DLC1: variants seen among roughly 807,000 people sequenced by gnomAD.
The protein encoded by DLC1 is DLC1 Rho GTPase activating protein.
In DLC1, 54 loss-of-function variants were observed where a neutral mutation model predicts 140.3. The ratio of observed to expected loss-of-function variants is 0.38; its 90% CI spans 0.31 to 0.48. The LOEUF (loss-of-function observed/expected upper bound fraction) is 0.48. Ranked by LOEUF, DLC1 falls within the 20% of genes least tolerant of loss-of-function variation. The pLI is 0.96. For synonymous variants in DLC1, 986 were observed against 728.1 expected, an observed-to-expected ratio of 1.35 and a Z score of -5.70; for missense variants, 2,536 against 1,907.0, an observed-to-expected ratio of 1.33 and a Z score of -6.14.
chr8:13,499,178 A>G lies in DLC1; in HGVS notation c.894T>C (p.Gly298=). The change falls in exon 2 of 18, where the codon GGT becomes GGC. Residue 298 remains glycine (G), a synonymous_variant. Transcript: ENST00000276297. The part of the protein sequence containing the change: ...MSAENGLEKS[G]FSQHQNKSPP... ...GACTTTTGTTTTGATGTTGTGAAAA[A>G]CCACTCTTCTCCAGGCCATTTTCAG... 1 of 1,614,000 alleles carries G rather than the reference A, an allele frequency of 6.2e-7. No homozygotes were observed. Among genetic ancestry groups the G allele is most frequent in the Non-Finnish European group, 8.5e-7 (1 of 1,179,984 alleles).
chr8:13,085,573 T>A lies in DLC1; in HGVS notation c.*238A>T, dbSNP rs1182743019. The stretch of plus-strand genomic sequence containing the variant: ...GAAGCAATTTGAATAAGAATACACA[T>A]AAATTTTTTTTTTTTTTTTGCACAG... On this transcript the variant is annotated 3_prime_UTR_variant, in exon 18 of 18. Transcript: ENST00000276297. 1 of 392,228 alleles carries A rather than the reference T, an allele frequency of 2.5e-6. No homozygotes were observed. The highest frequency in any genetic ancestry group is 4.3e-6 in the Non-Finnish European group (1 of 230,812). The allele number at this position is 392,228 out of a possible 1,614,324, so 24.3% of individuals were successfully genotyped here. A position where few individuals can be genotyped will look rare whatever the true frequency, so the allele number is the denominator to read the frequency against.
chr8:13,476,400 C>A (rs1019160040), intron 2 of DLC1, among the ~76,000 whole-genome samples: 3 of 151,326 alleles, frequency 2.0e-5, no homozygotes, highest in Non-Finnish European at 2.9e-5. Flanking sequence ...TTTCTTATGC[C>A]CTTAAGAAGT....
intron 5 of DLC1, among the ~76,000 whole-genome samples, chr8:13,150,263 T>C (rs1251776347): frequency 6.6e-6 from 1 of 152,132 alleles, no homozygotes; most frequent in Non-Finnish European, 1.5e-5. Context: ...GTTTAATGAG[T>C]GTTTTCTTTT....
At chr8:13,485,346 T>C (rs1340882311) in intron 2 of DLC1, among the ~76,000 whole-genome samples, 1 of 152,218 alleles carries the variant, frequency 6.6e-6, no homozygotes. Flanking sequence ...CAATATAGCT[T>C]GAAAAGAGAC....
intron 4 of DLC1, among the ~76,000 whole-genome samples, chr8:13,372,137 CA>C (rs927664909): frequency 2.0e-4 from 30 of 147,122 alleles, no homozygotes; most frequent in African/African-American, 7.5e-4. Flanking sequence ...GTTATTTCTT[CA>C]AAAAAAAGTG....
intron 5 of DLC1, among the ~76,000 whole-genome samples, chr8:13,279,710 C>T (rs570782578): frequency 6.6e-6 from 1 of 152,216 alleles, no homozygotes; most frequent in East Asian, 1.9e-4. Context: ...GTGTAAAGAC[C>T]ATTCTAATAC....
In DLC1 at chr8:13,091,409, A is replaced by C. The variant is rs1818063343; in HGVS notation, c.3764T>G (p.Leu1255Trp). Residue 1255 changes from leucine (L) to tryptophan (W), a missense_variant, in exon 14 of 18, where the codon TTG becomes TGG. Coordinates refer to ENST00000276297, the MANE Select transcript of DLC1 (RefSeq NM_182643.3). ...CAAATCTTTCTGATCTGGTTTGCCCAAACTTTGTTTTCTTTGCATTACCCT... is the reference window on the plus strand; with the variant it reads ...CAAATCTTTCTGATCTGGTTTGCCCCAACTTTGTTTTCTTTGCATTACCCT... Reference protein sequence around the residue: ...SPRVMQRKQSLGKPDQKDLNE... With the variant: ...SPRVMQRKQSWGKPDQKDLNE... 1 of 1,614,144 alleles carries C rather than the reference A, an allele frequency of 6.2e-7. No homozygotes were observed. Among genetic ancestry groups the C allele is most frequent in the East Asian group, 2.2e-5 (1 of 44,880 alleles).
intron 4 of DLC1, among the ~76,000 whole-genome samples, chr8:13,362,719 T>A (rs544049893): frequency 1.5e-4 from 23 of 152,290 alleles, no homozygotes; most frequent in African/African-American, 5.5e-4. Flanking sequence ...TTTACCATAA[T>A]CTCTGTCTCT....
At chr8:13,476,107 T>A (rs1800422910) in intron 2 of DLC1, among the ~76,000 whole-genome samples, 3 of 152,190 alleles carry the variant, frequency 2.0e-5, no homozygotes. Flanking sequence ...TACATCCGGT[T>A]GAAAGCAAAA....
At chr8:13,399,901 A>T (rs183172146) in intron 3 of DLC1, among the ~76,000 whole-genome samples, 1 of 152,006 alleles carries the variant, frequency 6.6e-6, no homozygotes, top group Non-Finnish European at 1.5e-5. Flanking sequence ...CTTCCTGCTG[A>T]TCTATAAATT....
intron 1 of DLC1, among the ~76,000 whole-genome samples, chr8:13,541,785 G>A (rs1803493438): frequency 6.6e-6 from 1 of 152,162 alleles, no homozygotes; most frequent in South Asian, 2.1e-4. Context: ...TCCTGACCAC[G>A]TGATCCGCCT....
chr8:13,496,610 A>G (rs1158026), intron 2 of DLC1, among the ~76,000 whole-genome samples: 135,041 of 151,508 alleles, frequency 0.89, 60,646 homozygotes, highest in Non-Finnish European at 0.94. Flanking sequence ...CTACACACAC[A>G]CATTTTGACA....
chr8:13,436,390 A>G (rs1460809778), intron 2 of DLC1, among the ~76,000 whole-genome samples: 2 of 152,234 alleles, frequency 1.3e-5, no homozygotes, highest in Admixed American at 6.5e-5. Flanking sequence ...ACTGTCCAGT[A>G]TTCAATTACC....
intron 12 of DLC1, among the ~76,000 whole-genome samples, chr8:13,093,575 A>T (rs1242224173): frequency 6.6e-6 from 1 of 152,196 alleles, no homozygotes; most frequent in East Asian, 1.9e-4. Flanking sequence ...TGAATACATA[A>T]CTCTTTAAAA....
intron 5 of DLC1, among the ~76,000 whole-genome samples, chr8:13,262,343 A>T (rs1188868957): frequency 5.3e-5 from 8 of 152,176 alleles, no homozygotes; most frequent in Admixed American, 5.2e-4. Context: ...AGCCATTAAA[A>T]TTAGGAGGAA....
intron 5 of DLC1, among the ~76,000 whole-genome samples, chr8:13,300,130 C>G (rs1395560065): frequency 2.0e-5 from 3 of 152,094 alleles, no homozygotes; most frequent in African/African-American, 7.2e-5. Context: ...ACGTTCTTTG[C>G]AGGGACATGG....
At chr8:13,408,351 A>G (rs1208479803) in intron 2 of DLC1, among the ~76,000 whole-genome samples, 1 of 152,206 alleles carries the variant, frequency 6.6e-6, no homozygotes, top group Non-Finnish European at 1.5e-5. Context: ...ATGGCTTTAT[A>G]TTATCTGTTT....
At chr8:13,363,175 T>C (rs118130005) in intron 4 of DLC1, among the ~76,000 whole-genome samples, 1 of 152,234 alleles carries the variant, frequency 6.6e-6, no homozygotes, top group Non-Finnish European at 1.5e-5. Flanking sequence ...TGAGAGCCCA[T>C]GGAACTAACC....
intron 4 of DLC1, among the ~76,000 whole-genome samples, chr8:13,380,028 C>G (rs75070685): frequency 0.012 from 1,832 of 152,248 alleles, 46 homozygotes; most frequent in African/African-American, 0.039. Flanking sequence ...CAGCAGCAAA[C>G]TGAACTTTAC....
Sources: gnomAD v4.1 joint callset for allele counts (sites outside exome capture counted in the v4.1 genomes callset) on GRCh38, gnomAD v4.1.1 for gene constraint, MANE v1.5 for transcripts, NCBI Gene and HGNC (gene_info 2026-07-23, HGNC 2026-07-21) for gene names.